Variants in NEO1 observed in about 807,000 individuals in gnomAD.
NEO1 encodes the protein neogenin.
Under a neutral mutation model 159.7 loss-of-function variants are expected in NEO1, and 63 were observed. The observed-to-expected ratio is 0.39, with a 90% CI of 0.32 to 0.49. The LOEUF is 0.49. Among genes scored for constraint, NEO1 ranks in the 20% least tolerant of loss-of-function variants. The pLI is 0.85. For synonymous variants in NEO1, 633 were observed against 662.0 expected (o/e 0.96, Z 0.67); for missense variants, 1,615 against 1,831.0 (o/e 0.88, Z 2.15).
chr15:73,164,123 G>A (rs1442609627), intron 5 of NEO1, among the ~76,000 whole-genome samples: 1 of 149,568 alleles, frequency 6.7e-6, no homozygotes, highest in African/African-American at 2.5e-5. Context: ...TGCCTCCCAT[G>A]TTCAAGCGAT....
intron 1 of NEO1, among the ~76,000 whole-genome samples, chr15:73,060,323 G>T (rs2067917039): frequency 6.6e-6 from 1 of 152,116 alleles, no homozygotes. Context: ...GAGTGTACTG[G>T]TGCGATCTTG....
intron 7 of NEO1, among the ~76,000 whole-genome samples, chr15:73,197,518 C>T (rs369218044): frequency 3.3e-5 from 5 of 151,884 alleles, no homozygotes; most frequent in Non-Finnish European, 7.4e-5. Context: ...ATCTAAGGTA[C>T]CATGCATTAT....
At chr15:73,282,797 G>A (rs1409892665) in intron 22 of NEO1, among the ~76,000 whole-genome samples, 167 bp from the exon 23 acceptor site, 1 of 152,218 alleles carries the variant, frequency 6.6e-6, no homozygotes, top group Non-Finnish European at 1.5e-5. Flanking sequence ...CTGTCTAGGA[G>A]CTCATCATCT....
chr15:73,118,916 T>C (rs2071471447), intron 2 of NEO1, among the ~76,000 whole-genome samples: 1 of 152,242 alleles, frequency 6.6e-6, no homozygotes. Flanking sequence ...TAGGCAATAC[T>C]ATAGTGAACT....
Position 73,260,312 on chromosome 15 carries a change from C to T in NEO1, c.2245C>T (p.Pro749Ser), listed in dbSNP as rs1444446140. ...AGTGCCTAGCTCTCTTCACGTACGC[C>T]CGCTCGTTACTAGCATCGTAGTGAG... is the stretch of plus-strand genomic sequence containing the variant. ...PEVPSSLHVR[P>S]LVTSIVVSWT... is the part of the protein sequence containing the mutation. Residue 749 changes from proline (P) to serine (S), a missense_variant, in exon 15 of 29, where the codon CCG (proline) becomes TCG (serine). Coordinates refer to ENST00000261908, the MANE Select transcript of NEO1 (RefSeq NM_002499.4). The T allele has an allele frequency of 1.9e-6, 3 of 1,613,898 alleles. No individual in the cohort carries two copies. Among genetic ancestry groups the T allele is most frequent in the Non-Finnish European group, 2.5e-6 (3 of 1,179,952 alleles).
intron 5 of NEO1, among the ~76,000 whole-genome samples, chr15:73,159,396 AT>A (rs2034008949): frequency 6.6e-6 from 1 of 150,802 alleles, no homozygotes; most frequent in African/African-American, 2.4e-5. Flanking sequence ...AGATATAGTC[AT>A]TTGAATATGA....
intron 5 of NEO1, among the ~76,000 whole-genome samples, chr15:73,172,845 T>C (rs1567382573): frequency 6.6e-6 from 1 of 152,192 alleles, no homozygotes; most frequent in African/African-American, 2.4e-5. Context: ...ATTACTTTCA[T>C]TGTAAGGGTC....
At chr15:73,159,225 C>T (rs567048982) in intron 5 of NEO1, among the ~76,000 whole-genome samples, 1 of 152,050 alleles carries the variant, frequency 6.6e-6, no homozygotes, top group African/African-American at 2.4e-5. Flanking sequence ...TTACCAAAAC[C>T]CAGAAAAAAC....
chr15:73,191,705 T>A (rs542512857), intron 7 of NEO1, among the ~76,000 whole-genome samples: 2 of 152,182 alleles, frequency 1.3e-5, no homozygotes, highest in South Asian at 4.1e-4. Context: ...TTAGAAAATC[T>A]TCTTTATATG....
chr15:73,112,012 A>G (rs560771958), intron 1 of NEO1, among the ~76,000 whole-genome samples: 13 of 152,126 alleles, frequency 8.5e-5, no homozygotes, highest in Admixed American at 7.2e-4. Flanking sequence ...GGGGATTTTT[A>G]TCTTTCCTCT....
chr15:73,134,091 A>G (rs59895991), intron 4 of NEO1, among the ~76,000 whole-genome samples: 270 of 152,350 alleles, frequency 1.8e-3, no homozygotes, highest in African/African-American at 6.3e-3. Flanking sequence ...GAAACTTAGT[A>G]GTAAATTTTA....
chr15:73,176,564 A>AT lies in NEO1; in HGVS notation c.1170+12dup, dbSNP rs1243693804. The AT allele has an allele frequency of 5.6e-6, 9 of 1,600,888 alleles. No individual in the cohort carries two copies. The highest frequency in any genetic ancestry group is 7.7e-6 in the Non-Finnish European group (9 of 1,173,718). On this transcript the variant is annotated splice_region_variant and intron_variant, in intron 6 of 28. Transcript: ENST00000261908. ...TGATTATTTTAAGATTGTAGTAAGT[A>AT]TTTTTCAAAGAAGTGTGTTTATTTC...
At chr15:73,131,832 AT>A (rs2031175616) in intron 4 of NEO1, among the ~76,000 whole-genome samples, 1 of 152,042 alleles carries the variant, frequency 6.6e-6, no homozygotes, top group Non-Finnish European at 1.5e-5. Flanking sequence ...ATCCTCCTCT[AT>A]TTTCTTACAC....
At chr15:73,176,596 CT>C in intron 6 of NEO1, 39 bp downstream of exon 6, 1 of 1,511,072 alleles carries the variant, frequency 6.6e-7, no homozygotes, top group Admixed American at 1.9e-5. Flanking sequence ...TTTCTGTAAC[CT>C]TTAGATATTT....
intron 7 of NEO1, among the ~76,000 whole-genome samples, chr15:73,197,892 G>A (rs1265879402): frequency 6.6e-6 from 1 of 151,908 alleles, no homozygotes; most frequent in African/African-American, 2.4e-5. Flanking sequence ...TGTTGGTCAG[G>A]CTGGTCTCGA....
At chr15:73,068,353 A>T (rs1413714029) in intron 1 of NEO1, among the ~76,000 whole-genome samples, 2 of 136,766 alleles carry the variant, frequency 1.5e-5, no homozygotes, top group Non-Finnish European at 3.2e-5. Flanking sequence ...CTGGGATTAC[A>T]GGTGTGCACA....
intron 7 of NEO1, among the ~76,000 whole-genome samples, chr15:73,180,856 T>C (rs1394184356): frequency 6.8e-6 from 1 of 148,092 alleles, no homozygotes; most frequent in Non-Finnish European, 1.5e-5. Context: ...TGTCATGTTA[T>C]TAATTGTGTT....
At chr15:73,220,192 T>G (rs1341858571) in intron 7 of NEO1, among the ~76,000 whole-genome samples, 3 of 152,218 alleles carry the variant, frequency 2.0e-5, no homozygotes, top group African/African-American at 7.2e-5. Context: ...AAGTTTAGTT[T>G]GGCTGGATAT....
intron 1 of NEO1, among the ~76,000 whole-genome samples, chr15:73,059,863 G>T (rs367807643): frequency 2.0e-5 from 3 of 152,066 alleles, no homozygotes; most frequent in East Asian, 3.8e-4. Flanking sequence ...CTGTCTGGGG[G>T]TACAGCTACT....
Sources: allele counts gnomAD v4.1 joint callset (sites outside exome capture counted in the v4.1 genomes callset), GRCh38; gene constraint gnomAD v4.1.1; transcripts MANE v1.5; gene names NCBI Gene and HGNC (gene_info 2026-07-23, HGNC 2026-07-21).